The following KAT2B variants were observed in gnomAD, a reference collection of about 807,000 sequenced individuals.
The protein encoded by KAT2B is lysine acetyltransferase 2B, also known as histone acetyltransferase KAT2B.
KAT2B carries 36 observed loss-of-function variants against 105.9 expected under a neutral mutation model. The observed-to-expected ratio is 0.34, with a 90% CI of 0.26 to 0.45. The LOEUF (loss-of-function observed/expected upper bound fraction) is 0.45. Among genes scored for constraint, KAT2B ranks in the 20% least tolerant of loss-of-function variants. KAT2B has a pLI of 1.00. For synonymous variants in KAT2B, 397 were observed against 377.9 expected, an observed-to-expected ratio of 1.05 and a Z score of -0.59; for missense variants, 820 against 1,021.6, an observed-to-expected ratio of 0.80 and a Z score of 2.69.
intron 1 of KAT2B, among the ~76,000 whole-genome samples, chr3:20,069,675 G>A (rs1360702489): frequency 1.3e-5 from 2 of 151,814 alleles, no homozygotes; most frequent in Non-Finnish European, 2.9e-5. Flanking sequence ...ACAGGTGGCT[G>A]CCACCATACC....
chr3:20,119,743 T>C lies in KAT2B; in HGVS notation c.1276+20T>C. On this transcript the variant is annotated intron_variant, in intron 8 of 17. Transcript: ENST00000263754. ...ACCCAGGTAAGCTCTTAAGAGGGGA[T>C]AAGAGAGGGCTGTGACTTGCTCCAG... The C allele has an allele frequency of 1.9e-6, 3 of 1,613,478 alleles. No individual in the cohort carries two copies. The highest frequency in any genetic ancestry group is 2.7e-5 in the African/African-American group (2 of 75,040).
intron 1 of KAT2B, among the ~76,000 whole-genome samples, chr3:20,054,447 G>A (rs1697970964): frequency 6.6e-6 from 1 of 152,156 alleles, no homozygotes; most frequent in Non-Finnish European, 1.5e-5. Flanking sequence ...GGAAAAAAGT[G>A]TGAATAATGT....
intron 7 of KAT2B, among the ~76,000 whole-genome samples, chr3:20,118,173 ATATAT>A (rs1043910799): frequency 3.4e-5 from 5 of 147,028 alleles, no homozygotes; most frequent in Admixed American, 1.4e-4. Flanking sequence ...TATATATAAA[ATATAT>A]TATATAGTTT....
intron 17 of KAT2B, among the ~76,000 whole-genome samples, chr3:20,150,959 T>C (rs1699859632): frequency 6.6e-6 from 1 of 152,168 alleles, no homozygotes; most frequent in African/African-American, 2.4e-5. Context: ...GGTAGACATT[T>C]AGGTGGAAAA....
intron 10 of KAT2B, 126 bp from the exon 11 acceptor site, chr3:20,127,297 T>C: frequency 1.2e-6 from 1 of 838,414 alleles, no homozygotes; most frequent in African/African-American, 1.7e-5. Flanking sequence ...AGGGGCTACA[T>C]GAAGGAAGTT....
intron 7 of KAT2B, among the ~76,000 whole-genome samples, chr3:20,115,239 G>C (rs531081326): frequency 1.3e-5 from 2 of 152,206 alleles, no homozygotes; most frequent in African/African-American, 4.8e-5. Context: ...TATAATGGTG[G>C]ATAGTGAGTG....
At chr3:20,125,049 C>T (rs1287408028) in intron 9 of KAT2B, among the ~76,000 whole-genome samples, 2 of 152,106 alleles carry the variant, frequency 1.3e-5, no homozygotes, top group African/African-American at 4.8e-5. Context: ...TGAGGCCGGG[C>T]GCGGTGGCTC....
In KAT2B at chr3:20,120,115, C is replaced by T. The variant is rs900873538; in HGVS notation, c.1276+392C>T. On this transcript the variant is annotated intron_variant, in intron 8 of 17. Coordinates refer to ENST00000263754, the MANE Select transcript of KAT2B (RefSeq NM_003884.5). ...ATTTTCCTGGGACTATTGGGCTACC[C>T]GGAACATGTCCTTCTTGTGATGAGA... 3.3e-5 allele frequency among the ~76,000 whole-genome samples: 5 copies of T among 152,220 alleles called. No homozygotes were observed. In the South Asian group the frequency reaches 6.2e-4, roughly 19 times the overall value.
chr3:20,097,242 A>AGGT (rs1432210392), intron 3 of KAT2B, among the ~76,000 whole-genome samples: 1 of 152,220 alleles, frequency 6.6e-6, no homozygotes, highest in African/African-American at 2.4e-5. Context: ...TTGGAAGTGA[A>AGGT]GGTGGTGTCA....
At chr3:20,070,060 C>T (rs995577107) in intron 1 of KAT2B, among the ~76,000 whole-genome samples, 4 of 152,076 alleles carry the variant, frequency 2.6e-5, no homozygotes, top group African/African-American at 9.7e-5. Context: ...GTTGGGCCTT[C>T]CTGATGCCTA....
chr3:20,118,745 AAAG>A (rs1482485547), intron 7 of KAT2B, among the ~76,000 whole-genome samples: 23,429 of 125,900 alleles, frequency 0.19, 1,566 homozygotes, highest in African/African-American at 0.21. Flanking sequence ...AAAAAAAAAA[AAAG>A]AGAGAGAGCG....
intron 1 of KAT2B, among the ~76,000 whole-genome samples, chr3:20,071,555 AT>A (rs1432286173): frequency 6.6e-6 from 1 of 152,172 alleles, no homozygotes; most frequent in Non-Finnish European, 1.5e-5. Flanking sequence ...ATAATTGATA[AT>A]TTTTCATGCT....
At chr3:20,045,045 C>T (rs990537299) in intron 1 of KAT2B, among the ~76,000 whole-genome samples, 15 of 151,942 alleles carry the variant, frequency 9.9e-5, no homozygotes, top group Admixed American at 2.6e-4. Context: ...GACAGGGTCT[C>T]GCTCTGTCAC....
chr3:20,103,030 G>A (rs998225450), intron 5 of KAT2B, among the ~76,000 whole-genome samples: 1 of 152,120 alleles, frequency 6.6e-6, no homozygotes, highest in Non-Finnish European at 1.5e-5. Context: ...GCAAATATAT[G>A]CAATTTCAGT....
At chr3:20,073,636 T>C (rs1219393258) in intron 2 of KAT2B, among the ~76,000 whole-genome samples, 1 of 152,238 alleles carries the variant, frequency 6.6e-6, no homozygotes, top group African/African-American at 2.4e-5. Flanking sequence ...CAATGTGAGC[T>C]CTGAGTTTTG....
At position 20,061,718 on chromosome 3, in the gene KAT2B, C is replaced by A. The variant is rs114445546; in HGVS notation, c.304-10615C>A. 4.0e-3 allele frequency among the ~76,000 whole-genome samples: 542 copies of A among 135,184 alleles called. 4 individuals are homozygous for A. Among genetic ancestry groups the A allele is most frequent in the African/African-American group, 0.014 (514 of 36,352 alleles). 88.7% of individuals were successfully genotyped at this position (135,184 alleles called of 152,430 possible). On this transcript the variant is annotated intron_variant, in intron 1 of 17. Coordinates refer to ENST00000263754, the MANE Select transcript of KAT2B (RefSeq NM_003884.5). ...TGTAGTTTTAATTTGTATTTTCATA[C>A]GTATATATGAAAAAATAATATATAT...
At chr3:20,098,223 A>G (rs1201350051) in intron 3 of KAT2B, among the ~76,000 whole-genome samples, 1 of 138,352 alleles carries the variant, frequency 7.2e-6, no homozygotes, top group African/African-American at 2.8e-5. Flanking sequence ...GAGTGAGACA[A>G]CGTCCCAAAT....
intron 1 of KAT2B, among the ~76,000 whole-genome samples, chr3:20,071,630 AACAT>A (rs900886748): frequency 1.3e-5 from 2 of 152,222 alleles, no homozygotes; most frequent in Non-Finnish European, 1.5e-5. Context: ...CTTGGCTACA[AACAT>A]AGGGAAGTGT....
chr3:20,053,567 G>A (rs952158232), intron 1 of KAT2B, among the ~76,000 whole-genome samples: 3 of 151,950 alleles, frequency 2.0e-5, no homozygotes, highest in African/African-American at 7.2e-5. Flanking sequence ...AACTCAGGAA[G>A]GTATATGAGT....
Sources: allele counts gnomAD v4.1 joint callset (sites outside exome capture counted in the v4.1 genomes callset), GRCh38; gene constraint gnomAD v4.1.1; transcripts MANE v1.5; gene names NCBI Gene and HGNC (gene_info 2026-07-23, HGNC 2026-07-21).